The following AGO1 variants were observed in gnomAD, a reference collection of about 807,000 sequenced individuals.
The protein encoded by AGO1 is protein argonaute-1.
Under a neutral mutation model 109.2 loss-of-function variants are expected in AGO1, and 11 were observed. The ratio of observed to expected loss-of-function variants is 0.10; its 90% confidence interval spans 0.06 to 0.17. The LOEUF (loss-of-function observed/expected upper bound fraction) is 0.17, where lower values mean the gene tolerates loss of function less well. Among genes scored for constraint, AGO1 ranks in the 10% least tolerant of loss-of-function variants. The pLI, the probability that AGO1 is intolerant of heterozygous loss-of-function variation, is 1.00. For synonymous variants in AGO1, 422 were observed against 418.6 expected (o/e 1.01, Z -0.10); for missense variants, 574 against 1,140.3 (o/e 0.50, Z 7.15).
chr1:35,928,304 AGT>A lies in AGO1; in HGVS notation c.*8700_*8701del, dbSNP rs1482267019. 6.6e-6 allele frequency: 1 copy of A among 152,238 alleles called. No individual in the cohort carries two copies. Among genetic ancestry groups the A allele is most frequent in the African/African-American group, 2.4e-5 (1 of 41,442 alleles). 9.4% of individuals were successfully genotyped at this position (152,238 alleles called of 1,614,324 possible). A position where few individuals can be genotyped will look rare whatever the true frequency, so the allele number is the denominator to read the frequency against. ...CCATTGTATTTGTTGTTTTTGAGAC[AGT>A]GTCTCACTCTGTCACCCAGGCTGGA... On this transcript the variant is annotated 3_prime_UTR_variant, in exon 19 of 19. Transcript: ENST00000373204.
In AGO1 at chr1:35,893,288, G is replaced by A. The variant is rs1645254970; in HGVS notation, c.512+10G>A. 1.2e-6 allele frequency: 2 copies of A among 1,611,046 alleles called. No individual in the cohort carries two copies. Among genetic ancestry groups the A allele is most frequent in the East Asian group, 4.5e-5 (2 of 44,774 alleles). On this transcript the variant is annotated intron_variant, in intron 4 of 18. Coordinates refer to ENST00000373204, the MANE Select transcript of AGO1 (RefSeq NM_012199.5). This position sits in a 1 kb window ranked among gnomAD's most constrained non-coding sequence, Gnocchi z 5.6. ...ACCTGGCATCCATGAGGTATTGGGT[G>A]TAGTTAGTATCTGGGCTACTAGTGT...
Position 35,893,566 on chromosome 1 carries a change from T to TA in AGO1, c.513-105dup, listed in dbSNP as rs957849257. 1.6e-6 allele frequency: 2 copies of TA among 1,216,412 alleles called. No homozygotes were observed. The highest frequency in any genetic ancestry group is 3.0e-5 in the African/African-American group (2 of 65,786). The allele number at this position is 1,216,412 out of a possible 1,614,324, so 75.4% of individuals were successfully genotyped here. ...ACTAGTAAAGCATCAGAGCTGGCAT[T>TA]AAAGCCCCGGTGTCCTGCCTTTCAG... On this transcript the variant is annotated intron_variant, in intron 4 of 18. Transcript: ENST00000373204. This position sits in a 1 kb window ranked among gnomAD's most constrained non-coding sequence, Gnocchi z 5.6.
intron 15 of AGO1, 83 bp from the exon 16 acceptor site, chr1:35,917,510 G>A (rs759710238): frequency 3.8e-5 from 54 of 1,434,384 alleles, no homozygotes; most frequent in Middle Eastern, 1.9e-4. Context: ...ATTACAAGTG[G>A]CAACTCCTTA....
Position 35,926,559 on chromosome 1 carries a change from TG to T in AGO1, c.*6955del, listed in dbSNP as rs1353108129. 1 of 152,242 alleles carries T rather than the reference TG, an allele frequency of 6.6e-6. No homozygotes were observed. Among genetic ancestry groups the T allele is most frequent in the Non-Finnish European group, 1.5e-5 (1 of 68,046 alleles). The allele number at this position is 152,242 out of a possible 1,614,324, so 9.4% of individuals were successfully genotyped here. A position where few individuals can be genotyped will look rare whatever the true frequency, so the allele number is the denominator to read the frequency against. On this transcript the variant is annotated 3_prime_UTR_variant, in exon 19 of 19. Transcript: ENST00000373204. ...AAAGCCTAGTTGGAATTTCTGAGTC[TG>T]GGCCATCCTTAAGCTGCTGTCTACT...
chr1:35,883,162 T>A (rs1487845385), upstream of AGO1: 2 of 1,139,288 alleles, frequency 1.8e-6, no homozygotes, highest in Non-Finnish European at 2.2e-6. This position sits in a 1 kb window ranked among gnomAD's most constrained non-coding sequence, Gnocchi z 5.4. Flanking sequence ...AGCGCCCCGC[T>A]TGACTCGTTC....
chr1:35,906,872 G>A, intron 11 of AGO1, 63 bp from the exon 12 acceptor site: 9 of 1,485,208 alleles, frequency 6.1e-6, no homozygotes, highest in Non-Finnish European at 7.4e-6. Flanking sequence ...AAGATGGATG[G>A]ATTTTTGTCA....
Position 35,925,841 on chromosome 1 carries a change from A to G in AGO1, c.*6234A>G, listed in dbSNP as rs531279755. 2 of 152,318 alleles carry G rather than the reference A, an allele frequency of 1.3e-5. No individual in the cohort carries two copies. Among genetic ancestry groups the G allele is most frequent in the South Asian group, 2.1e-4 (1 of 4,832 alleles). The allele number at this position is 152,318 out of a possible 1,614,324, so 9.4% of individuals were successfully genotyped here. A position where few individuals can be genotyped will look rare whatever the true frequency, so the allele number is the denominator to read the frequency against. On this transcript the variant is annotated 3_prime_UTR_variant, in exon 19 of 19. Coordinates refer to ENST00000373204, the MANE Select transcript of AGO1 (RefSeq NM_012199.5). Reference sequence around the variant, plus strand: ...GTACTGCTAGAGCATTGTTATTTCTATGCATGGGGGTAAGAAGGCTCAGAG... The same window carrying G: ...GTACTGCTAGAGCATTGTTATTTCTGTGCATGGGGGTAAGAAGGCTCAGAG...
chr1:35,883,359 C>T lies in AGO1; in HGVS notation c.-63C>T, dbSNP rs1645061389. On this transcript the variant is annotated 5_prime_UTR_variant, in exon 1 of 19. Transcript: ENST00000373204. This position sits in a 1 kb window ranked among gnomAD's most constrained non-coding sequence, Gnocchi z 5.4. The stretch of plus-strand genomic sequence containing the variant: ...CCCGAGCAGCGAGAGTGTGGGGTAC[C>T]TAGGCCCCTCACGCTGGACTTCACA... 4 of 1,579,822 alleles carry T rather than the reference C, an allele frequency of 2.5e-6. No individual in the cohort carries two copies. Among genetic ancestry groups the T allele is most frequent in the African/African-American group, 2.8e-5 (2 of 71,430 alleles).
chr1:35,874,131 A>C (rs1406765675), intron 1 of AGO1, among the ~76,000 whole-genome samples: 1 of 152,246 alleles, frequency 6.6e-6, no homozygotes, highest in Non-Finnish European at 1.5e-5. Flanking sequence ...ACCATGGCCA[A>C]ATAAGATGGC....
In AGO1 at chr1:35,894,152, C is replaced by A. The variant is rs769226315; in HGVS notation, c.765C>A (p.Arg255=). The A allele has an allele frequency of 6.3e-7, 1 of 1,577,146 alleles. No individual in the cohort carries two copies. The highest frequency in any genetic ancestry group is 1.8e-5 in the Admixed American group (1 of 54,552). Residue 255 remains arginine (R), a synonymous_variant, in exon 6 of 19, where the codon CGC becomes CGA. Coordinates refer to ENST00000373204, the MANE Select transcript of AGO1 (RefSeq NM_012199.5). ...CCCTCACGGACTCTCAGCGCGTTCG[C>A]TTCACCAAGGAGATCAAGGGTGAGG... The part of the protein sequence containing the change: ...PKPLTDSQRV[R]FTKEIKGLKV...
At chr1:35,872,197 T>C (rs1297295401) in intron 1 of AGO1, among the ~76,000 whole-genome samples, 1 of 150,400 alleles carries the variant, frequency 6.6e-6, no homozygotes. Context: ...CTTTTTTTTT[T>C]TTTTTTGAGA....
rs1645817611 is a variant in AGO1 at position 35,920,774 on chromosome 1, C to G, written c.*1167C>G. On this transcript the variant is annotated 3_prime_UTR_variant, in exon 19 of 19. Coordinates refer to ENST00000373204, the MANE Select transcript of AGO1 (RefSeq NM_012199.5). Reference sequence around the variant, plus strand: ...TTCTTTTCTCCCTTGATGGTCAAGTCTCTTATGTTTCAATATTTCTTAACT... The same window carrying G: ...TTCTTTTCTCCCTTGATGGTCAAGTGTCTTATGTTTCAATATTTCTTAACT... 1 of 152,582 alleles carries G rather than the reference C, an allele frequency of 6.6e-6. No homozygotes were observed. Among genetic ancestry groups the G allele is most frequent in the African/African-American group, 2.4e-5 (1 of 41,426 alleles). 9.5% of individuals were successfully genotyped at this position (152,582 alleles called of 1,614,324 possible). A position where few individuals can be genotyped will look rare whatever the true frequency, so the allele number is the denominator to read the frequency against.
At chr1:35,887,950 T>G (rs1481554761) in intron 1 of AGO1, among the ~76,000 whole-genome samples, 1 of 152,204 alleles carries the variant, frequency 6.6e-6, no homozygotes, top group African/African-American at 2.4e-5. Context: ...TGGCCTTGTC[T>G]GGATCTTATT....
chr1:35,890,628 T>G (rs1195840416), intron 2 of AGO1, among the ~76,000 whole-genome samples: 2 of 152,152 alleles, frequency 1.3e-5, no homozygotes, highest in East Asian at 3.8e-4. Flanking sequence ...TATAGATTCA[T>G]TTTTGCACTC....
chr1:35,878,588 T>C (rs1190700364), upstream of AGO1, among the ~76,000 whole-genome samples: 1 of 152,156 alleles, frequency 6.6e-6, no homozygotes, highest in Non-Finnish European at 1.5e-5. Context: ...TCCTCAGAAC[T>C]TGGAGGCTGG....
chr1:35,902,131 C>T, intron 10 of AGO1, 61 bp downstream of exon 10: 1 of 1,586,632 alleles, frequency 6.3e-7, no homozygotes, highest in East Asian at 2.2e-5. Context: ...GGTTGTATAG[C>T]CAGGGGCTTT....
intron 15 of AGO1, among the ~76,000 whole-genome samples, chr1:35,916,365 T>G (rs1009912550): frequency 1.3e-5 from 2 of 152,122 alleles, no homozygotes; most frequent in African/African-American, 4.8e-5. Flanking sequence ...TATGCCCAGT[T>G]TCTTTTTTTC....
rs923911632 is a variant in AGO1 at position 35,904,508 on chromosome 1, A to G, written c.1397+2171A>G. Among the ~76,000 whole-genome samples, 4 of 152,082 alleles carry G rather than the reference A, an allele frequency of 2.6e-5. 1 individual carries two copies. Among genetic ancestry groups the G allele is most frequent in the Non-Finnish European group, 5.9e-5 (4 of 68,010 alleles). On this transcript the variant is annotated intron_variant, in intron 11 of 18. Transcript: ENST00000373204. ...GCCATAGTCACTTCATTGTAGTTCT[A>G]TTCTCTATGTGCTCTTGTCTTTCTC...
chr1:35,906,838 T>A, intron 11 of AGO1, 97 bp from the exon 12 acceptor site: 1 of 930,842 alleles, frequency 1.1e-6, no homozygotes. Flanking sequence ...AATCTCTCAG[T>A]GCCTCTTATA....
Sources: allele counts gnomAD v4.1 joint callset (sites outside exome capture counted in the v4.1 genomes callset), GRCh38; gene constraint gnomAD v4.1.1; non-coding constraint Gnocchi (gnomAD v3.1); transcripts MANE v1.5; gene names NCBI Gene and HGNC (gene_info 2026-07-23, HGNC 2026-07-21).